ULK1: variants seen among roughly 807,000 people sequenced by gnomAD.
The protein encoded by ULK1 is serine/threonine-protein kinase ULK1.
Under a neutral mutation model 117.5 loss-of-function variants are expected in ULK1, and 48 were observed. The observed-to-expected ratio is 0.41, with a 90% CI of 0.32 to 0.52. The LOEUF (loss-of-function observed/expected upper bound fraction) is 0.52, where lower values mean the gene tolerates loss of function less well. Ranked by LOEUF, ULK1 falls within the 20% of genes least tolerant of loss-of-function variation. The pLI is 0.29. For synonymous variants in ULK1, 790 were observed against 637.8 expected (o/e 1.24, Z -3.60); for missense variants, 1,387 against 1,473.4 (o/e 0.94, Z 0.96).
chr12:131,921,771 G>C lies in ULK1; in HGVS notation c.*410G>C, dbSNP rs748055865. 1 of 518,966 alleles carries C rather than the reference G, an allele frequency of 1.9e-6. No homozygotes were observed. Among genetic ancestry groups the C allele is most frequent in the Admixed American group, 2.3e-5 (1 of 44,244 alleles). The allele number at this position is 518,966 out of a possible 1,614,324, so 32.1% of individuals were successfully genotyped here. A position where few individuals can be genotyped will look rare whatever the true frequency, so the allele number is the denominator to read the frequency against. On this transcript the variant is annotated 3_prime_UTR_variant, in exon 28 of 28. Transcript: ENST00000321867. The stretch of plus-strand genomic sequence containing the variant: ...GTGCCCAGGAAGAGCCTGCGGCCTC[G>C]GCGTCCCCCAGTCTCCAGGAGCCTC...
chr12:131,902,021 A>C lies in ULK1; in HGVS notation c.247-4871A>C, dbSNP rs1034561887. 5.9e-5 allele frequency among the ~76,000 whole-genome samples: 9 copies of C among 151,898 alleles called. No homozygotes were observed. Among genetic ancestry groups the C allele is most frequent in the Admixed American group, 2.6e-4 (4 of 15,256 alleles). On this transcript the variant is annotated intron_variant, in intron 3 of 27. Coordinates refer to ENST00000321867, the MANE Select transcript of ULK1 (RefSeq NM_003565.4). The surrounding 1 kb of genome is among the most constrained non-coding windows in gnomAD (Gnocchi z 6.3). ...TCAACCCCCTGCGGCTGGCTCCCGG[A>C]TTGTCCAGACCCCCAGGCCCAGCAG... is the stretch of plus-strand genomic sequence containing the variant.
chr12:131,906,905 C>T lies in ULK1; in HGVS notation c.260C>T (p.Ser87Phe). 6.2e-7 allele frequency: 1 copy of T among 1,614,110 alleles called. No homozygotes were observed. Among genetic ancestry groups the T allele is most frequent in the East Asian group, 2.2e-5 (1 of 44,880 alleles). Residue 87 changes from serine to phenylalanine, a missense_variant, in exon 4 of 28, where the codon TCT (serine) becomes TTT (phenylalanine). Ser to Phe is a radical substitution (Grantham distance 155, BLOSUM62 -2). Transcript: ENST00000321867. Reference protein sequence around the residue: ...ALYDFQEMANSVYLVMEYCNG... With the variant: ...ALYDFQEMANFVYLVMEYCNG... ...TCTGTCTTGCAGGAAATGGCTAATT[C>T]TGTCTACCTGGTTATGGAGGTGAGT... is the stretch of plus-strand genomic sequence containing the variant.
At chr12:131,905,132 G>A (rs904047739) in intron 3 of ULK1, among the ~76,000 whole-genome samples, 21 of 152,130 alleles carry the variant, frequency 1.4e-4, no homozygotes, top group African/African-American at 4.6e-4. Context: ...CCTCTGGGCC[G>A]GCCCTGCAGT....
In ULK1 at chr12:131,910,720, G is replaced by A. The variant is rs370624303; in HGVS notation, c.868G>A (p.Val290Met). ...ASPSVRKSPP[V>M]PVPSYPSSGS... ...ATGCATGTTTATCTCAGCCCCACCCGTGCCTGTGCCCTCGTACCCAAGCTC... is the reference window on the plus strand; with the variant it reads ...ATGCATGTTTATCTCAGCCCCACCCATGCCTGTGCCCTCGTACCCAAGCTC... Residue 290 changes from valine (V) to methionine (M), a missense_variant, in exon 12 of 28, where the codon GTG becomes ATG. By Grantham distance (21) the Val-to-Met change is conservative. This residue lies in a region of ULK1 where 260 missense variants were observed against 271.6 expected (regional missense o/e 0.96). Transcript: ENST00000321867. 2.4e-5 allele frequency: 39 copies of A among 1,612,906 alleles called. No individual in the cohort carries two copies. Among genetic ancestry groups the A allele is most frequent in the Admixed American group, 3.3e-5 (2 of 59,998 alleles).
At chr12:131,918,016 G>C (rs1566128079) in intron 22 of ULK1, among the ~76,000 whole-genome samples, 1 of 152,214 alleles carries the variant, frequency 6.6e-6, no homozygotes, top group African/African-American at 2.4e-5. Context: ...GCCTGGGGAG[G>C]GGTGGGCTTG....
chr12:131,917,344 C>T lies in ULK1; in HGVS notation c.2183-67C>T, dbSNP rs1304779440. ...GCCGTGGGATGGGGGTCGGGTTCGG[C>T]TCGGAGGCTGTGGGATGGGGGTCGG... is the stretch of plus-strand genomic sequence containing the variant. On this transcript the variant is annotated intron_variant, in intron 21 of 27. Coordinates refer to ENST00000321867, the MANE Select transcript of ULK1 (RefSeq NM_003565.4). 164 of 1,223,564 alleles carry T rather than the reference C, an allele frequency of 1.3e-4. 1 individual carries two copies. The highest frequency in any genetic ancestry group is 1.7e-4 in the Non-Finnish European group (160 of 942,970). The allele number at this position is 1,223,564 out of a possible 1,614,324, so 75.8% of individuals were successfully genotyped here.
In ULK1 at chr12:131,921,509, T is replaced by C; in HGVS notation, c.*148T>C. ...CCCACGGACAGTCAGCCTGCCGGCC[T>C]CCCTGCAGCTCACGGGGCAGAACCA... On this transcript the variant is annotated 3_prime_UTR_variant, in exon 28 of 28. Coordinates refer to ENST00000321867, the MANE Select transcript of ULK1 (RefSeq NM_003565.4). 1 of 1,194,326 alleles carries C rather than the reference T, an allele frequency of 8.4e-7. No individual in the cohort carries two copies. The highest frequency in any genetic ancestry group is 1.2e-6 in the Non-Finnish European group (1 of 832,006). 74.0% of individuals were successfully genotyped at this position (1,194,326 alleles called of 1,614,324 possible). A position where few individuals can be genotyped will look rare whatever the true frequency, so the allele number is the denominator to read the frequency against.
rs775471153 is a variant in ULK1 at position 131,916,084 on chromosome 12, C to A, written c.1803C>A (p.Asn601Lys). The change falls in exon 19 of 28, where the codon AAC becomes AAA. Residue 601 changes from asparagine (N) to lysine (K), a missense_variant. Coordinates refer to ENST00000321867, the MANE Select transcript of ULK1 (RefSeq NM_003565.4). ...CCCACGGCCTGCAGTCCTGCCGGAA[C>A]CTGCGGGGCTCACCCAAGCTGCCCG... Reference protein sequence around the residue: ...QPSHGLQSCRNLRGSPKLPDF... With the variant: ...QPSHGLQSCRKLRGSPKLPDF... 6 of 1,612,586 alleles carry A rather than the reference C, an allele frequency of 3.7e-6. No individual in the cohort carries two copies. The Admixed American group carries it at 1.0e-4, about 27-fold the overall frequency.
rs1469370114 is a variant in ULK1, at chr12:131,921,796, C to G, written c.*435C>G. 2.0e-6 allele frequency: 1 copy of G among 499,256 alleles called. No individual in the cohort carries two copies. Among genetic ancestry groups the G allele is most frequent in the Non-Finnish European group, 3.9e-6 (1 of 255,644 alleles). 30.9% of individuals were successfully genotyped at this position (499,256 alleles called of 1,614,324 possible). ...GGCGTCCCCCAGTCTCCAGGAGCCT[C>G]TCCCTCCGAGATACCCACCCAGCTT... On this transcript the variant is annotated 3_prime_UTR_variant, in exon 28 of 28. Coordinates refer to ENST00000321867, the MANE Select transcript of ULK1 (RefSeq NM_003565.4).
rs753778969 is a variant in ULK1, at chr12:131,916,390, C to T, written c.1879-8C>T. 3.9e-6 allele frequency: 6 copies of T among 1,557,300 alleles called. No homozygotes were observed. The highest frequency in any genetic ancestry group is 1.2e-5 in the South Asian group (1 of 84,366). On this transcript the variant is annotated splice_polypyrimidine_tract_variant and splice_region_variant and intron_variant, in intron 19 of 27. Transcript: ENST00000321867. ...GGGGCAGTCTTCACCCCATCTCTGTCCTCCTAGGCTGTGCCCTCCTTTGAC... is the reference window on the plus strand; with the variant it reads ...GGGGCAGTCTTCACCCCATCTCTGTTCTCCTAGGCTGTGCCCTCCTTTGAC...
intron 3 of ULK1, chr12:131,906,636 T>C: frequency 1.8e-6 from 1 of 565,590 alleles, no homozygotes; most frequent in Non-Finnish European, 3.2e-6. Flanking sequence ...GTATGTCCTC[T>C]GCCAGGAGCT....
chr12:131,911,733 G>T (rs1889546101), intron 12 of ULK1, among the ~76,000 whole-genome samples: 1 of 152,144 alleles, frequency 6.6e-6, no homozygotes, highest in South Asian at 2.1e-4. Flanking sequence ...CGGGGGGCCT[G>T]TCCCTGCGAG....
intron 3 of ULK1, 94 bp downstream of exon 3, chr12:131,895,918 T>C: frequency 6.5e-7 from 1 of 1,533,572 alleles, no homozygotes; most frequent in South Asian, 1.1e-5. Flanking sequence ...GTTGAGCCTG[T>C]CCAGGCTGGG....
At position 131,915,439 on chromosome 12, in the gene ULK1, G is replaced by C. The variant is rs201018467; in HGVS notation, c.1609+18G>C. ...TCGTCCAGGTGGGTGCAGTCCGGAG[G>C]GGGGAGGGGGTGCTAGGCTGACCTC... On this transcript the variant is annotated intron_variant, in intron 18 of 27. Coordinates refer to ENST00000321867, the MANE Select transcript of ULK1 (RefSeq NM_003565.4). The C allele has an allele frequency of 2.3e-4, 378 of 1,611,078 alleles. No homozygotes were observed. Among genetic ancestry groups the C allele is most frequent in the Non-Finnish European group, 2.7e-4 (318 of 1,179,588 alleles).
intron 11 of ULK1, 110 bp downstream of exon 11, chr12:131,910,414 C>T (rs979157890): frequency 1.3e-5 from 20 of 1,499,532 alleles, no homozygotes; most frequent in African/African-American, 8.3e-5. Context: ...TCTTGAGCTG[C>T]GGCCAGCTCC....
intron 3 of ULK1, among the ~76,000 whole-genome samples, chr12:131,900,443 C>T (rs932850791): frequency 1.3e-5 from 2 of 152,236 alleles, no homozygotes; most frequent in Non-Finnish European, 2.9e-5. Flanking sequence ...CCACCACAGC[C>T]GCTGGGAGGC....
Position 131,917,008 on chromosome 12 carries a change from C to G in ULK1, c.2128C>G (p.Gln710Glu). ...GCTCCTTAAGGCGGCGTTTGGGACA[C>G]AAGCCCCGGACCCGGGCAGCACGGA... Reference protein sequence around the residue: ...DLLLKAAFGTQAPDPGSTESL... With the variant: ...DLLLKAAFGTEAPDPGSTESL... Residue 710 changes from glutamine to glutamate, a missense_variant, in exon 21 of 28, where the codon CAA becomes GAA. By Grantham distance (29) the Gln-to-Glu change is conservative. Around this residue, in one of 4 missense-constraint regions of ULK1, gnomAD observed 900 missense variants for 858.9 expected, o/e 1.05. Transcript: ENST00000321867. 1.9e-6 allele frequency: 3 copies of G among 1,593,950 alleles called. No homozygotes were observed. Among genetic ancestry groups the G allele is most frequent in the Non-Finnish European group, 2.6e-6 (3 of 1,169,644 alleles).
At position 131,915,958 on chromosome 12, in the gene ULK1, C is replaced by T. The variant is rs1322854877; in HGVS notation, c.1677C>T (p.Asn559=). The T allele has an allele frequency of 1.9e-6, 3 of 1,612,514 alleles. No individual in the cohort carries two copies. Among genetic ancestry groups the T allele is most frequent in the Non-Finnish European group, 2.5e-6 (3 of 1,179,854 alleles). Residue 559 remains asparagine (N), a synonymous_variant, in exon 19 of 28, where the codon AAC becomes AAT. Transcript: ENST00000321867. ...GCTGCCGCCTGCACAGCGCCCCCAA[C>T]CTGTCTGACTTGCACGTCGTCCGCC... is the stretch of plus-strand genomic sequence containing the variant. ...GLGCRLHSAP[N]LSDLHVVRPK...
chr12:131,911,256 GGAGCC>G (rs1161813910), intron 12 of ULK1, among the ~76,000 whole-genome samples: 1 of 152,194 alleles, frequency 6.6e-6, no homozygotes, highest in East Asian at 1.9e-4. Flanking sequence ...CATCTGACTG[GGAGCC>G]TGGCTCTCAG....
Sources: gnomAD v4.1 joint callset for allele counts (sites outside exome capture counted in the v4.1 genomes callset) on GRCh38, gnomAD v4.1.1 for gene constraint, gnomAD v4.1.1 regional missense constraint, Gnocchi (gnomAD v3.1) non-coding constraint, MANE v1.5 for transcripts, NCBI Gene and HGNC (gene_info 2026-07-23, HGNC 2026-07-21) for gene names.